Variants in KCNK2 observed in about 807,000 individuals in gnomAD.
The protein encoded by KCNK2 is potassium channel subfamily K member 2.
A neutral mutation model predicts 40.5 loss-of-function variants in KCNK2; 21 were observed. That is an observed-to-expected ratio of 0.52 (90% CI 0.37 to 0.75). KCNK2 has a LOEUF of 0.75. Among genes scored for constraint, KCNK2 ranks in the 30% least tolerant of loss-of-function variants. The probability of loss-of-function intolerance (pLI) is 0.00; values close to 1 mark genes in which losing one functional copy is unlikely to be tolerated. For missense variants in KCNK2, 399 were observed against 531.6 expected (o/e 0.75, Z 2.45); for synonymous variants, 191 against 202.2 (o/e 0.94, Z 0.47).
chr1:215,076,034 A>G (rs1658914421), intron 1 of KCNK2, among the ~76,000 whole-genome samples: 1 of 152,242 alleles, frequency 6.6e-6, no homozygotes, highest in East Asian at 1.9e-4. Flanking sequence ...TTTGAAATCT[A>G]CAATTGTAGA....
intron 1 of KCNK2, among the ~76,000 whole-genome samples, chr1:215,027,438 G>A (rs1657037916): frequency 6.6e-6 from 1 of 151,992 alleles, no homozygotes; most frequent in Non-Finnish European, 1.5e-5. Context: ...ATTTTTATTG[G>A]GATTAGCTGT....
chr1:215,228,946 G>T (rs531370060), intron 6 of KCNK2, among the ~76,000 whole-genome samples: 1 of 152,194 alleles, frequency 6.6e-6, no homozygotes, highest in Non-Finnish European at 1.5e-5. Flanking sequence ...TGACTACATT[G>T]CTATAAACCA....
At chr1:215,008,330 C>A (rs1378436397) in intron 1 of KCNK2, among the ~76,000 whole-genome samples, 3 of 152,022 alleles carry the variant, frequency 2.0e-5, no homozygotes, top group Admixed American at 2.0e-4. Context: ...ACTTGTTTGA[C>A]ATCAAAATTT....
chr1:215,093,785 T>A (rs1178433321), intron 2 of KCNK2, among the ~76,000 whole-genome samples: 6 of 18,512 alleles, frequency 3.2e-4, no homozygotes, highest in Non-Finnish European at 4.4e-4. Context: ...TATTATATAT[T>A]ATATATTATA....
At chr1:215,020,953 C>G (rs1275912909) in intron 1 of KCNK2, among the ~76,000 whole-genome samples, 1 of 152,058 alleles carries the variant, frequency 6.6e-6, no homozygotes, top group African/African-American at 2.4e-5. Flanking sequence ...CTCTAATCTT[C>G]TAGTATAATA....
chr1:215,168,382 T>C (rs1340020975), intron 3 of KCNK2, among the ~76,000 whole-genome samples: 3 of 152,348 alleles, frequency 2.0e-5, no homozygotes, highest in Non-Finnish European at 2.9e-5. Flanking sequence ...TAAATCATTC[T>C]ACTATAAAGA....
chr1:215,145,928 G>A (rs1470086915), intron 3 of KCNK2, among the ~76,000 whole-genome samples: 2 of 152,024 alleles, frequency 1.3e-5, no homozygotes, highest in Non-Finnish European at 2.9e-5. Context: ...CAGATCATCA[G>A]TATTTAAATA....
At chr1:215,113,753 G>A (rs889500041) in intron 2 of KCNK2, among the ~76,000 whole-genome samples, 7 of 152,064 alleles carry the variant, frequency 4.6e-5, no homozygotes, top group Admixed American at 3.9e-4. Context: ...GCAACACCAC[G>A]CCCAGATAAC....
Position 215,083,254 on chromosome 1 carries a change from G to A in KCNK2, c.-132G>A. ...CTCCCCACCTTGTAAAACAAAGCCG[G>A]GGAAAATGCCTGCCCGTGCAGCTCG... On this transcript the variant is annotated 5_prime_UTR_variant, in exon 1 of 7. Transcript: ENST00000444842. 1.3e-6 allele frequency: 2 copies of A among 1,565,476 alleles called. No homozygotes were observed. The highest frequency in any genetic ancestry group is 1.7e-6 in the Non-Finnish European group (2 of 1,148,868).
At chr1:215,216,421 A>ATG (rs386369622) in intron 6 of KCNK2, among the ~76,000 whole-genome samples, 1 of 130,904 alleles carries the variant, frequency 7.6e-6, no homozygotes, top group East Asian at 2.0e-4. Flanking sequence ...TGTATATTAT[A>ATG]TGTTATAATA....
At chr1:215,045,216 A>AG (rs562168336) in intron 1 of KCNK2, among the ~76,000 whole-genome samples, 4 of 151,504 alleles carry the variant, frequency 2.6e-5, no homozygotes, top group African/African-American at 9.7e-5. Context: ...AACCAAAAAA[A>AG]AAAACCACAT....
intron 1 of KCNK2, among the ~76,000 whole-genome samples, chr1:215,013,078 T>C (rs7536850): frequency 0.32 from 48,864 of 152,000 alleles, 8,090 homozygotes; most frequent in South Asian, 0.57. Context: ...GAAAAATTTC[T>C]TTTGTGTTTT....
intron 6 of KCNK2, among the ~76,000 whole-genome samples, chr1:215,202,560 T>C (rs573203473): frequency 6.6e-5 from 10 of 152,312 alleles, no homozygotes; most frequent in African/African-American, 2.4e-4. Context: ...TATGTCTCTA[T>C]GTAGCCTCAG....
chr1:215,078,020 G>A (rs1034911513), upstream of KCNK2, among the ~76,000 whole-genome samples: 1 of 152,106 alleles, frequency 6.6e-6, no homozygotes, highest in Admixed American at 6.6e-5. Context: ...TCATTGCAAG[G>A]GTGTCCAGCC....
At chr1:215,040,587 G>T (rs1657528776) in intron 1 of KCNK2, among the ~76,000 whole-genome samples, 1 of 152,162 alleles carries the variant, frequency 6.6e-6, no homozygotes, top group Non-Finnish European at 1.5e-5. Context: ...GTTAACGGAA[G>T]TATCTGCTTA....
At position 215,083,194 on chromosome 1, in the gene KCNK2, T is replaced by TCCCCCCCCCCCCCCCCCCCCCCCCCC; in HGVS notation, c.-183_-182insCCCCCCCCCCCCCCCCCCCCCCCCCC. 3 of 501,814 alleles carry TCCCCCCCCCCCCCCCCCCCCCCCCCC rather than the reference T, an allele frequency of 6.0e-6. 1 individual carries two copies. Among genetic ancestry groups the TCCCCCCCCCCCCCCCCCCCCCCCCCC allele is most frequent in the Admixed American group, 6.8e-5 (2 of 29,534 alleles). 31.1% of individuals were successfully genotyped at this position (501,814 alleles called of 1,614,324 possible). A position where few individuals can be genotyped will look rare whatever the true frequency, so the allele number is the denominator to read the frequency against. ...CCCGCGATTTCGTTTCTTCTCACGC[T>TCCCCCCCCCCCCCCCCCCCCCCCCCC]CCCCCCCCCGCCCCCTCCCGCGTCC... On this transcript the variant is annotated 5_prime_UTR_variant, in exon 1 of 7. Coordinates refer to ENST00000444842, the MANE Select transcript of KCNK2 (RefSeq NM_001017425.3).
At chr1:215,193,020 A>G (rs2102662311) in intron 5 of KCNK2, among the ~76,000 whole-genome samples, 1 of 152,170 alleles carries the variant, frequency 6.6e-6, no homozygotes, top group African/African-American at 2.4e-5. Context: ...ACTTGATTTA[A>G]TATATACTTG....
At chr1:215,088,434 G>A (rs1659550403) in intron 2 of KCNK2, among the ~76,000 whole-genome samples, 1 of 152,104 alleles carries the variant, frequency 6.6e-6, no homozygotes, top group Admixed American at 6.5e-5. Flanking sequence ...TCCACATAAA[G>A]TGTTTCGGTG....
At chr1:215,073,627 G>A (rs1029830176) in intron 1 of KCNK2, among the ~76,000 whole-genome samples, 2 of 152,206 alleles carry the variant, frequency 1.3e-5, no homozygotes, top group Admixed American at 6.5e-5. Flanking sequence ...AATCCGGCCA[G>A]TGACTAAACC....
Sources: gnomAD v4.1 joint callset for allele counts (sites outside exome capture counted in the v4.1 genomes callset) on GRCh38, gnomAD v4.1.1 for gene constraint, MANE v1.5 for transcripts, NCBI Gene and HGNC (gene_info 2026-07-23, HGNC 2026-07-21) for gene names.